Variants in PPP2R2C observed in about 807,000 individuals in gnomAD.
The protein encoded by PPP2R2C is protein phosphatase 2, regulatory subunit B, gamma.
A neutral mutation model predicts 45.3 loss-of-function variants in PPP2R2C; 10 were observed. The observed-to-expected ratio is 0.22, with a 90% confidence interval of 0.14 to 0.37. The LOEUF (loss-of-function observed/expected upper bound fraction) is 0.37. Among genes scored for constraint, PPP2R2C ranks in the 10% least tolerant of loss-of-function variants. The pLI is 1.00. For missense variants in PPP2R2C, 308 were observed against 619.7 expected (o/e 0.50, Z 5.34); for synonymous variants, 257 against 245.4 (o/e 1.05, Z -0.44).
chr4:6,434,486 G>C (rs1470410668), intron 1 of PPP2R2C, among the ~76,000 whole-genome samples: 1 of 149,124 alleles, frequency 6.7e-6, no homozygotes, highest in Non-Finnish European at 1.5e-5. Context: ...AGCCTCCCAA[G>C]TACCTAAAAT....
intron 2 of PPP2R2C, among the ~76,000 whole-genome samples, chr4:6,379,501 A>C (rs1161106432): frequency 6.6e-6 from 1 of 152,364 alleles, no homozygotes; most frequent in East Asian, 1.9e-4. Flanking sequence ...TTCACTTCCC[A>C]TGAGCACTCG....
rs1358079148 is a variant in PPP2R2C, at chr4:6,494,650, G to A, written c.49+40621C>T. 7.9e-5 allele frequency among the ~76,000 whole-genome samples: 12 copies of A among 152,262 alleles called. 1 individual carries two copies. Among genetic ancestry groups the A allele is most frequent in the Non-Finnish European group, 1.2e-4 (8 of 68,028 alleles). ...AGCACCCAGGGCACCAAGCACACGC[G>A]GCACGCCGTCCAGGTGGGAGCCCCG... On this transcript the variant is annotated intron_variant, in intron 2 of 9. Coordinates refer to the PPP2R2C transcript ENST00000506140.
chr4:6,442,336 G>A (rs942409682), intron 1 of PPP2R2C, among the ~76,000 whole-genome samples: 3 of 152,258 alleles, frequency 2.0e-5, no homozygotes. Context: ...CTCAGCAGGA[G>A]GTGGGTGAGT....
intron 1 of PPP2R2C, among the ~76,000 whole-genome samples, chr4:6,419,666 C>T (rs1480828587): frequency 2.0e-5 from 3 of 152,156 alleles, no homozygotes; most frequent in African/African-American, 7.2e-5. Context: ...CATATTACTA[C>T]ACACAGACAG....
chr4:6,403,302 C>T (rs116109416), intron 1 of PPP2R2C, among the ~76,000 whole-genome samples: 1,979 of 152,252 alleles, frequency 0.013, 42 homozygotes, highest in African/African-American at 0.044. Flanking sequence ...ATGCTGGGAG[C>T]GGAGCGGAGC....
At chr4:6,489,555 C>T (rs1457098905) in intron 2 of PPP2R2C, among the ~76,000 whole-genome samples, 2 of 152,218 alleles carry the variant, frequency 1.3e-5, no homozygotes, top group African/African-American at 2.4e-5. Flanking sequence ...ATCCTTGCAA[C>T]AAACTTTTGA....
chr4:6,527,118 C>T (rs984447639), intron 2 of PPP2R2C, among the ~76,000 whole-genome samples: 2 of 130,108 alleles, frequency 1.5e-5, no homozygotes, highest in Admixed American at 7.7e-5. Context: ...GCCTCAGCCA[C>T]CCTGAGCCTC....
intron 1 of PPP2R2C, among the ~76,000 whole-genome samples, chr4:6,453,775 C>G (rs1720870786): frequency 6.6e-6 from 1 of 152,200 alleles, no homozygotes; most frequent in South Asian, 2.1e-4. Context: ...GCTCTGCACT[C>G]CTCCCTACTG....
At chr4:6,505,403 T>C (rs1447389368) in intron 2 of PPP2R2C, among the ~76,000 whole-genome samples, 1 of 152,202 alleles carries the variant, frequency 6.6e-6, no homozygotes, top group South Asian at 2.1e-4. Flanking sequence ...TCAATACATA[T>C]AATTATTTAA....
At chr4:6,511,882 G>A (rs1356742774) in intron 2 of PPP2R2C, among the ~76,000 whole-genome samples, 10 of 58,688 alleles carry the variant, frequency 1.7e-4, no homozygotes, top group Non-Finnish European at 2.3e-4. Context: ...GGTGGTGGTG[G>A]TGGTGGTGGT....
Position 6,472,248 on chromosome 4 carries a change from C to A in PPP2R2C, c.-19G>T, listed in dbSNP as rs1362773842. ...CGCCCATTGAAGGCCGTGCCCGGTGCTCTGGGCATGCCCCGCCGCCACACA... is the reference window on the plus strand; with the variant it reads ...CGCCCATTGAAGGCCGTGCCCGGTGATCTGGGCATGCCCCGCCGCCACACA... On this transcript the variant is annotated 5_prime_UTR_variant, in exon 1 of 9. Coordinates refer to ENST00000382599, the MANE Select transcript of PPP2R2C (RefSeq NM_020416.4). The A allele has an allele frequency of 1.2e-6, 2 of 1,612,086 alleles. No homozygotes were observed. Among genetic ancestry groups the A allele is most frequent in the Non-Finnish European group, 1.7e-6 (2 of 1,178,894 alleles).
intron 5 of PPP2R2C, among the ~76,000 whole-genome samples, chr4:6,358,170 G>C (rs962021194): frequency 6.6e-6 from 1 of 152,068 alleles, no homozygotes; most frequent in African/African-American, 2.4e-5. Context: ...AGAGGCCTCA[G>C]AAATAACACC....
At chr4:6,442,311 T>A (rs1720196162) in intron 1 of PPP2R2C, among the ~76,000 whole-genome samples, 1 of 152,202 alleles carries the variant, frequency 6.6e-6, no homozygotes, top group African/African-American at 2.4e-5. Flanking sequence ...GAGAGGGGCA[T>A]CAGCTCTGCC....
intron 2 of PPP2R2C, among the ~76,000 whole-genome samples, chr4:6,518,418 A>G (rs888832320): frequency 6.6e-6 from 1 of 152,224 alleles, no homozygotes; most frequent in Admixed American, 6.5e-5. Context: ...GCTAACAAGG[A>G]AAAAGGAGAA....
chr4:6,342,081 T>TACACACACACACACAC (rs58305750), intron 6 of PPP2R2C, among the ~76,000 whole-genome samples: 7 of 139,716 alleles, frequency 5.0e-5, no homozygotes, highest in South Asian at 5.1e-4. Context: ...TCTGCCACGA[T>TACACACACACACACAC]ACACACACAC....
chr4:6,382,565 T>G (rs1715881494), intron 1 of PPP2R2C: 2 of 1,323,838 alleles, frequency 1.5e-6, no homozygotes, highest in African/African-American at 3.0e-5. Flanking sequence ...TTCCCCAGTC[T>G]CAGGTGATGA....
intron 2 of PPP2R2C, among the ~76,000 whole-genome samples, chr4:6,533,216 G>A (rs1724465693): frequency 6.6e-6 from 1 of 152,180 alleles, no homozygotes; most frequent in African/African-American, 2.4e-5. Context: ...AGACCCAGAA[G>A]AGAACATGGC....
At chr4:6,354,143 T>A (rs1162943742) in intron 5 of PPP2R2C, among the ~76,000 whole-genome samples, 1 of 151,002 alleles carries the variant, frequency 6.6e-6, no homozygotes, top group Non-Finnish European at 1.5e-5. Flanking sequence ...TCTGTCCCCA[T>A]GGGGGTCCGT....
chr4:6,475,458 C>T (rs928597821), upstream of PPP2R2C, among the ~76,000 whole-genome samples: 1 of 152,186 alleles, frequency 6.6e-6, no homozygotes, highest in Non-Finnish European at 1.5e-5. Context: ...CAAAAGGGTA[C>T]AGCTACACTC....
Sources: gnomAD v4.1 joint callset for allele counts (sites outside exome capture counted in the v4.1 genomes callset) on GRCh38, gnomAD v4.1.1 for gene constraint, MANE v1.5 for transcripts, NCBI Gene and HGNC (gene_info 2026-07-23, HGNC 2026-07-21) for gene names.